Variants in ADCY5 observed in about 807,000 individuals in gnomAD.
ADCY5 encodes adenylate cyclase 5.
In ADCY5, 30 loss-of-function variants were observed where a neutral mutation model predicts 119.7. That is an observed-to-expected ratio of 0.25 (90% CI 0.19 to 0.34). The LOEUF is 0.34. Ranked by LOEUF, ADCY5 falls within the 10% of genes least tolerant of loss-of-function variation. The pLI, the probability that ADCY5 is intolerant of heterozygous loss-of-function variation, is 1.00. For synonymous variants in ADCY5, 753 were observed against 762.2 expected (o/e 0.99, Z 0.20); for missense variants, 1,324 against 1,775.2 (o/e 0.75, Z 4.57).
At chr3:123,428,469 G>A (rs528836063) in intron 1 of ADCY5, among the ~76,000 whole-genome samples, 257 of 152,198 alleles carry the variant, frequency 1.7e-3, no homozygotes, top group Non-Finnish European at 2.4e-3. Flanking sequence ...CCATCTCCTC[G>A]CTCCCTTGCG....
chr3:123,323,344 AAC>A (rs1393781861), intron 8 of ADCY5, among the ~76,000 whole-genome samples: 2 of 152,246 alleles, frequency 1.3e-5, no homozygotes, highest in African/African-American at 4.8e-5. Context: ...TATATCTGCC[AAC>A]ACAGTGCTTA....
Position 123,448,525 on chromosome 3 carries a change from C to A in ADCY5, c.21G>T (p.Val7=). 7.9e-7 allele frequency: 1 copy of A among 1,265,424 alleles called. No homozygotes were observed. The highest frequency in any genetic ancestry group is 9.9e-7 in the Non-Finnish European group (1 of 1,006,848). The allele number at this position is 1,265,424 out of a possible 1,614,324, so 78.4% of individuals were successfully genotyped here. A position where few individuals can be genotyped will look rare whatever the true frequency, so the allele number is the denominator to read the frequency against. ...TCTGCGCCGCGTAGCCCGGGGGGCTCACGCTTTTGGAGCCGGACATCCCCC... is the reference window on the plus strand; with the variant it reads ...TCTGCGCCGCGTAGCCCGGGGGGCTAACGCTTTTGGAGCCGGACATCCCCC... MSGSKS[V]SPPGYAAQKT... The change falls in exon 1 of 21, where the codon GTG becomes GTT. Residue 7 remains valine (V), a synonymous_variant. Coordinates refer to ENST00000462833, the MANE Select transcript of ADCY5 (RefSeq NM_183357.3).
Position 123,283,888 on chromosome 3 carries a change from G to A in ADCY5, c.*720C>T, listed in dbSNP as rs1003830489. The A allele has an allele frequency of 3.9e-5, 6 of 152,242 alleles. No homozygotes were observed. The highest frequency in any genetic ancestry group is 1.4e-4 in the African/African-American group (6 of 41,450). The allele number at this position is 152,242 out of a possible 1,614,324, so 9.4% of individuals were successfully genotyped here. A position where few individuals can be genotyped will look rare whatever the true frequency, so the allele number is the denominator to read the frequency against. ...CCCCGAGTGGCGTCCTCGTTTGCTT[G>A]TGTGTCTCTTACACGCATACAACTA... On this transcript the variant is annotated 3_prime_UTR_variant, in exon 21 of 21. Transcript: ENST00000462833.
At chr3:123,285,093 G>A (rs1403460563) in intron 20 of ADCY5, among the ~76,000 whole-genome samples, 1 of 152,204 alleles carries the variant, frequency 6.6e-6, no homozygotes, top group Admixed American at 6.5e-5. Context: ...AAAGCCATCT[G>A]ACCTGGCTGC....
At chr3:123,317,063 G>A (rs1349287224) in intron 11 of ADCY5, among the ~76,000 whole-genome samples, 2 of 152,078 alleles carry the variant, frequency 1.3e-5, no homozygotes, top group African/African-American at 4.8e-5. Context: ...ATGTATAGGT[G>A]TGTGTGCATG....
rs879550516 is a variant in ADCY5, at chr3:123,447,434, T to C, written c.1112A>G (p.Gln371Arg). The C allele has an allele frequency of 6.3e-7, 1 of 1,596,220 alleles. No homozygotes were observed. Residue 371 changes from glutamine to arginine, a missense_variant, in exon 1 of 21, where the codon CAG becomes CGG. By Grantham distance (43) the Gln-to-Arg change is conservative. Coordinates refer to ENST00000462833, the MANE Select transcript of ADCY5 (RefSeq NM_183357.3). ...HLAIALRTNA[Q>R]DQFLLKQLVS... ...TACCTGCTTCAGCAGGAACTGGTCC[T>C]GGGCGTTGGTGCGCAGGGCGATGGC...
chr3:123,295,191 G>A (rs1333315101), intron 17 of ADCY5, among the ~76,000 whole-genome samples: 2 of 152,356 alleles, frequency 1.3e-5, no homozygotes, highest in East Asian at 3.9e-4. Context: ...AGGGCCTCCT[G>A]CTCCAGCCCA....
At chr3:123,419,332 A>C in intron 1 of ADCY5, 26 of 347,892 alleles carry the variant, frequency 7.5e-5, no homozygotes, top group South Asian at 1.1e-4. Flanking sequence ...ACTCTGGCTC[A>C]TCTTCCACGC....
chr3:123,297,137 C>T (rs1246236501), intron 16 of ADCY5: 11 of 1,411,998 alleles, frequency 7.8e-6, no homozygotes, highest in African/African-American at 1.4e-5. Context: ...ACAGAGACTA[C>T]AGATCACCTT....
At chr3:123,328,045 G>A (rs1358959653) in intron 6 of ADCY5, among the ~76,000 whole-genome samples, 1 of 152,156 alleles carries the variant, frequency 6.6e-6, no homozygotes, top group Non-Finnish European at 1.5e-5. Context: ...AACTTTGCAA[G>A]CCTCTCACTC....
intron 12 of ADCY5, among the ~76,000 whole-genome samples, chr3:123,310,155 C>T (rs1014864733): frequency 4.1e-5 from 6 of 147,620 alleles, no homozygotes; most frequent in East Asian, 2.0e-4. Flanking sequence ...CACACAGCTA[C>T]GCAGCTGAGT....
intron 1 of ADCY5, among the ~76,000 whole-genome samples, chr3:123,441,952 C>T (rs1027655193): frequency 6.7e-6 from 1 of 149,522 alleles, no homozygotes; most frequent in African/African-American, 2.5e-5. Flanking sequence ...TCTTCCCTGT[C>T]CTACATTTGG....
chr3:123,303,296 G>A (rs1180204185), intron 13 of ADCY5, 77 bp from the exon 14 acceptor site: 12 of 1,457,440 alleles, frequency 8.2e-6, no homozygotes, highest in East Asian at 2.4e-5. Flanking sequence ...CCACCAGGCC[G>A]CAGGCTCCCG....
chr3:123,401,404 C>T (rs1207754876), intron 1 of ADCY5, among the ~76,000 whole-genome samples: 1 of 152,178 alleles, frequency 6.6e-6, no homozygotes, highest in African/African-American at 2.4e-5. Flanking sequence ...CATCCCATCC[C>T]TCTACTTTAA....
intron 2 of ADCY5, among the ~76,000 whole-genome samples, chr3:123,350,949 C>G (rs2108493312): frequency 6.6e-6 from 1 of 152,158 alleles, no homozygotes; most frequent in East Asian, 1.9e-4. Flanking sequence ...ATGCTGAGGC[C>G]TGGGGGTGAG....
At chr3:123,423,374 A>C (rs960433497) in intron 1 of ADCY5, among the ~76,000 whole-genome samples, 2 of 152,106 alleles carry the variant, frequency 1.3e-5, no homozygotes, top group African/African-American at 4.8e-5. Flanking sequence ...GCGCCGTGGG[A>C]GGTGGGAAGT....
intron 1 of ADCY5, among the ~76,000 whole-genome samples, chr3:123,392,475 G>C (rs190232122): frequency 6.7e-6 from 1 of 149,754 alleles, no homozygotes; most frequent in Non-Finnish European, 1.5e-5. Flanking sequence ...AGTGATCCAC[G>C]GGGTTATCAT....
chr3:123,368,128 G>A (rs373555629), intron 1 of ADCY5: 121 of 1,213,440 alleles, frequency 1.0e-4, no homozygotes, highest in Middle Eastern at 2.8e-4. Context: ...CTTGTGACTC[G>A]GAGCCAGTCA....
At chr3:123,345,775 C>CAG (rs1446592316) in intron 3 of ADCY5, among the ~76,000 whole-genome samples, 10 of 150,680 alleles carry the variant, frequency 6.6e-5, no homozygotes, top group Non-Finnish European at 1.0e-4. Context: ...GACAGACACA[C>CAG]ACACACACAC....
Sources: allele counts gnomAD v4.1 joint callset (sites outside exome capture counted in the v4.1 genomes callset), GRCh38; gene constraint gnomAD v4.1.1; transcripts MANE v1.5; gene names NCBI Gene and HGNC (gene_info 2026-07-23, HGNC 2026-07-21).